PKHD1: variants seen among roughly 807,000 people sequenced by gnomAD.
The protein encoded by PKHD1 is PKHD1 ciliary IPT domain containing fibrocystin/polyductin.
PKHD1 carries 291 observed loss-of-function variants against 412.0 expected under a neutral mutation model. That is an observed-to-expected ratio of 0.71 (90% confidence interval 0.64 to 0.78). The LOEUF (loss-of-function observed/expected upper bound fraction) is 0.78, where lower values mean the gene tolerates loss of function less well. PKHD1 is among the 30% of genes least tolerant of loss of function. PKHD1 has a pLI of 0.00. For missense variants in PKHD1, 4,825 were observed against 4,950.7 expected (o/e 0.97, Z 0.76); for synonymous variants, 1,777 against 1,821.5 (o/e 0.98, Z 0.62).
intron 53 of PKHD1, among the ~76,000 whole-genome samples, chr6:51,786,884 C>G (rs11754532): frequency 0.59 from 89,206 of 152,072 alleles, 26,928 homozygotes; most frequent in East Asian, 0.83. Flanking sequence ...CTTATCTTAA[C>G]TGTTTTATCA....
At chr6:52,066,281 A>G (rs1298316531) in intron 11 of PKHD1, among the ~76,000 whole-genome samples, 8 of 152,182 alleles carry the variant, frequency 5.3e-5, no homozygotes, top group Non-Finnish European at 7.3e-5. Context: ...TCGAGGATCA[A>G]TATTTGAAAG....
rs555932968 is a variant in PKHD1 at position 51,655,457 on chromosome 6, TATG to T, written c.11174+3492_11174+3494del. On this transcript the variant is annotated intron_variant, in intron 61 of 66. Coordinates refer to ENST00000371117, the MANE Select transcript of PKHD1 (RefSeq NM_138694.4). The stretch of plus-strand genomic sequence containing the variant: ...ATGGGGGAACTTAAAAAGCTACTAA[TATG>T]ATAAGTATATACACATTGCACACAC... Among the ~76,000 whole-genome samples the T allele has an allele frequency of 4.6e-5, 7 of 152,192 alleles. No homozygotes were observed. The East Asian group carries it at 1.4e-3, about 29-fold the overall frequency.
At chr6:51,941,491 A>G (rs1459344784) in intron 36 of PKHD1, among the ~76,000 whole-genome samples, 1 of 150,212 alleles carries the variant, frequency 6.7e-6, no homozygotes, top group East Asian at 1.9e-4. Flanking sequence ...TCCTGACCTC[A>G]TGATCCACCC....
chr6:51,783,946 G>A (rs1394323462), intron 53 of PKHD1, among the ~76,000 whole-genome samples: 3 of 152,134 alleles, frequency 2.0e-5, no homozygotes, highest in Non-Finnish European at 2.9e-5. Flanking sequence ...AGTGTAAGGA[G>A]ATTGAATGTT....
chr6:51,651,607 T>C (rs2771006), intron 61 of PKHD1, among the ~76,000 whole-genome samples: 140,614 of 152,180 alleles, frequency 0.92, 65,125 homozygotes, highest in East Asian at 1. Flanking sequence ...TTTCCTTTCA[T>C]GATGGGCTCC....
intron 47 of PKHD1, among the ~76,000 whole-genome samples, chr6:51,869,008 A>G (rs915296545): frequency 1.3e-5 from 2 of 152,158 alleles, no homozygotes; most frequent in Admixed American, 1.3e-4. Context: ...TACATTATAA[A>G]ATATAAAAAA....
At chr6:52,076,472 G>T in intron 5 of PKHD1, 139 bp from the exon 6 acceptor site, 1 of 704,598 alleles carries the variant, frequency 1.4e-6, no homozygotes, top group South Asian at 1.5e-5. Flanking sequence ...CATCTGTCTA[G>T]TTCTTTTTAT....
At position 52,048,708 on chromosome 6, in the gene PKHD1, G is replaced by T. The variant is rs113543796; in HGVS notation, c.2280-89C>A. On this transcript the variant is annotated intron_variant, in intron 22 of 66. Coordinates refer to ENST00000371117, the MANE Select transcript of PKHD1 (RefSeq NM_138694.4). ...TCTGAAGGATGTCCTGTCTTGCTTA[G>T]GCTGCAGCCTTCCAGAAAGAGCTAA... The T allele has an allele frequency of 5.4e-4, 814 of 1,512,126 alleles. 6 individuals are homozygous for T. In the African/African-American group the frequency reaches 0.01, roughly 19 times the overall value. 93.7% of individuals were successfully genotyped at this position (1,512,126 alleles called of 1,614,324 possible).
At chr6:51,812,389 AG>A (rs1161970635) in intron 52 of PKHD1, among the ~76,000 whole-genome samples, 1 of 152,218 alleles carries the variant, frequency 6.6e-6, no homozygotes, top group Non-Finnish European at 1.5e-5. Context: ...CTCTCAGCCA[AG>A]GGGATTCCAA....
intron 45 of PKHD1, among the ~76,000 whole-genome samples, chr6:51,883,924 C>T (rs1484671462): frequency 2.0e-5 from 3 of 152,184 alleles, no homozygotes; most frequent in Non-Finnish European, 4.4e-5. Flanking sequence ...CTTCTTTGCC[C>T]TTCTGCTATA....
At chr6:51,837,283 C>T (rs976038398) in intron 50 of PKHD1, among the ~76,000 whole-genome samples, 3 of 152,194 alleles carry the variant, frequency 2.0e-5, no homozygotes, top group South Asian at 2.1e-4. Flanking sequence ...ACCACTGGAG[C>T]ACCCCTTGTT....
At chr6:51,673,710 C>T (rs1775382209) in intron 60 of PKHD1, among the ~76,000 whole-genome samples, 1 of 151,952 alleles carries the variant, frequency 6.6e-6, no homozygotes, top group South Asian at 2.1e-4. Context: ...CTCGGAGGGG[C>T]AGGGGTTTTA....
chr6:51,639,576 A>G (rs1245927768), intron 63 of PKHD1, among the ~76,000 whole-genome samples: 1 of 151,898 alleles, frequency 6.6e-6, no homozygotes, highest in Non-Finnish European at 1.5e-5. Flanking sequence ...TTCCCTAACT[A>G]AAATGAAAAA....
chr6:51,955,361 AG>A (rs1461753884), intron 36 of PKHD1, among the ~76,000 whole-genome samples: 1 of 152,216 alleles, frequency 6.6e-6, no homozygotes, highest in Non-Finnish European at 1.5e-5. Flanking sequence ...GTTGGGAGTC[AG>A]TACATATAGC....
chr6:51,812,905 A>G (rs1423601305), intron 52 of PKHD1, among the ~76,000 whole-genome samples: 1 of 152,154 alleles, frequency 6.6e-6, no homozygotes, highest in Non-Finnish European at 1.5e-5. Context: ...ACTCCTTTCT[A>G]TTGATTCCAG....
At chr6:51,668,555 T>G (rs1774277548) in intron 60 of PKHD1, among the ~76,000 whole-genome samples, 2 of 152,126 alleles carry the variant, frequency 1.3e-5, no homozygotes, top group South Asian at 4.2e-4. Context: ...CCTGCCTGAT[T>G]GCCCTGGCCA....
intron 63 of PKHD1, among the ~76,000 whole-genome samples, chr6:51,646,658 C>A (rs1431134025): frequency 1.3e-5 from 2 of 152,102 alleles, no homozygotes; most frequent in African/African-American, 4.8e-5. Context: ...TCCAGTCTTC[C>A]CCATTTCAGT....
intron 36 of PKHD1, among the ~76,000 whole-genome samples, chr6:51,950,220 A>AAAAAAAAAAAAAAAAAATAT: frequency 2.0e-5 from 2 of 98,328 alleles, no homozygotes; most frequent in African/African-American, 7.6e-5. Flanking sequence ...GAAAAAAAAA[A>AAAAAAAAAAAAAAAAAATAT]ATATATATAT....
chr6:51,676,158 G>A (rs551468861), intron 60 of PKHD1, among the ~76,000 whole-genome samples: 28 of 149,276 alleles, frequency 1.9e-4, no homozygotes, highest in Admixed American at 1.2e-3. Context: ...CCTTCCTGTC[G>A]TGAAATGAGG....
Sources: allele counts gnomAD v4.1 joint callset (sites outside exome capture counted in the v4.1 genomes callset), GRCh38; gene constraint gnomAD v4.1.1; transcripts MANE v1.5; gene names NCBI Gene and HGNC (gene_info 2026-07-23, HGNC 2026-07-21).